The following ALG14 variants were observed in gnomAD, a reference collection of about 807,000 sequenced individuals.
ALG14 encodes the protein ALG14 UDP-N-acetylglucosaminyltransferase subunit, also known as UDP-N-acetylglucosamine transferase subunit ALG14.
A neutral mutation model predicts 22.8 loss-of-function variants in ALG14; 17 were observed. The observed-to-expected ratio is 0.75, with a 90% confidence interval of 0.51 to 1.12. The LOEUF (loss-of-function observed/expected upper bound fraction) is 1.12, where lower values mean the gene tolerates loss of function less well. ALG14 is among the 50% of genes most tolerant of loss of function. ALG14 has a pLI of 0.00. For missense variants in ALG14, 288 were observed against 271.8 expected (o/e 1.06, Z -0.42); for synonymous variants, 89 against 103.7 (o/e 0.86, Z 0.86).
intron 1 of ALG14, among the ~76,000 whole-genome samples, chr1:95,065,311 T>C (rs1675318745): frequency 6.6e-6 from 1 of 152,024 alleles, no homozygotes; most frequent in African/African-American, 2.4e-5. Context: ...AGAAGACTGG[T>C]GAGAAAGGGG....
intron 2 of ALG14, among the ~76,000 whole-genome samples, chr1:95,048,794 C>T (rs1328603804): frequency 6.8e-6 from 1 of 146,636 alleles, no homozygotes; most frequent in Non-Finnish European, 1.5e-5. Context: ...GTCAAATATC[C>T]TTTTTTTTTT....
intron 3 of ALG14, among the ~76,000 whole-genome samples, chr1:95,016,024 T>C (rs1011997136): frequency 3.9e-5 from 6 of 152,202 alleles, no homozygotes; most frequent in African/African-American, 1.4e-4. Context: ...GACTATGAAG[T>C]AGATATCATG....
chr1:95,004,643 G>A (rs1171605242), intron 3 of ALG14, among the ~76,000 whole-genome samples: 1 of 148,276 alleles, frequency 6.7e-6, no homozygotes, highest in Admixed American at 6.6e-5. Context: ...GGGACTACAA[G>A]CGCCAGCCAC....
chr1:95,016,879 T>C (rs1428688364), intron 3 of ALG14, among the ~76,000 whole-genome samples: 1 of 150,740 alleles, frequency 6.6e-6, no homozygotes, highest in Admixed American at 6.6e-5. Context: ...AGACAGGTAG[T>C]CACTATTTAG....
At position 95,043,238 on chromosome 1, in the gene ALG14, T is replaced by C. The variant is rs1163808335; in HGVS notation, c.289-15978A>G. Reference sequence around the variant, plus strand: ...CTTTCCTCAAATGTCTGATATTCTGTAGATGTTGATTCAACTACTGATTCT... The same window carrying C: ...CTTTCCTCAAATGTCTGATATTCTGCAGATGTTGATTCAACTACTGATTCT... On this transcript the variant is annotated intron_variant, in intron 2 of 3. Transcript: ENST00000370205. Among the ~76,000 whole-genome samples, 3 of 152,188 alleles carry C rather than the reference T, an allele frequency of 2.0e-5. No homozygotes were observed. The East Asian group carries it at 5.8e-4, about 29-fold the overall frequency.
chr1:94,989,645 G>GC (rs1672724608), intron 3 of ALG14, among the ~76,000 whole-genome samples: 1 of 152,206 alleles, frequency 6.6e-6, no homozygotes, highest in Admixed American at 6.5e-5. Flanking sequence ...TCACTGTCCA[G>GC]CAACAGTAGC....
chr1:95,057,366 A>G (rs1283702235), intron 2 of ALG14, among the ~76,000 whole-genome samples: 1 of 151,908 alleles, frequency 6.6e-6, no homozygotes, highest in South Asian at 2.1e-4. Context: ...GGACATGTAC[A>G]GGCCTTTTTC....
At chr1:95,046,545 T>G (rs1674562680) in intron 2 of ALG14, among the ~76,000 whole-genome samples, 1 of 152,182 alleles carries the variant, frequency 6.6e-6, no homozygotes, top group Non-Finnish European at 1.5e-5. Flanking sequence ...CCAAAAAGGT[T>G]GAGGACTGCT....
At chr1:95,031,645 T>C (rs547109992) in intron 2 of ALG14, among the ~76,000 whole-genome samples, 6 of 152,184 alleles carry the variant, frequency 3.9e-5, no homozygotes, top group African/African-American at 1.4e-4. Flanking sequence ...TTCTAAAATA[T>C]CCCCATCCTC....
intron 3 of ALG14, among the ~76,000 whole-genome samples, chr1:94,988,049 G>A (rs997048663): frequency 2.6e-5 from 4 of 152,216 alleles, no homozygotes; most frequent in African/African-American, 9.6e-5. Context: ...CTGGGGCCAT[G>A]GATGAAGGTA....
intron 3 of ALG14, among the ~76,000 whole-genome samples, chr1:94,986,597 C>T (rs949575325): frequency 1.8e-4 from 28 of 151,940 alleles, no homozygotes; most frequent in Non-Finnish European, 3.8e-4. Flanking sequence ...CTCAGCCTCC[C>T]GAGTAGCTGG....
intron 3 of ALG14, among the ~76,000 whole-genome samples, chr1:95,006,438 T>C (rs1390987278): frequency 3.9e-5 from 6 of 152,112 alleles, no homozygotes; most frequent in Non-Finnish European, 7.3e-5. Flanking sequence ...GAGATGGACA[T>C]ATATAAATTG....
In ALG14 at chr1:94,984,033, C is replaced by T. The variant is rs953688162; in HGVS notation, c.421-727G>A. 1.4e-4 allele frequency among the ~76,000 whole-genome samples: 22 copies of T among 151,970 alleles called. No homozygotes were observed. The East Asian group carries it at 1.5e-3, about 11-fold the overall frequency. On this transcript the variant is annotated intron_variant, in intron 3 of 3. Transcript: ENST00000370205. ...TGCTGGGATTACAGGCATGAGCCAC[C>T]GAGCCCAGCTGAATTTTTATAAGCC...
chr1:95,017,775 C>T (rs1396781154), intron 3 of ALG14, among the ~76,000 whole-genome samples: 1 of 152,180 alleles, frequency 6.6e-6, no homozygotes, highest in Non-Finnish European at 1.5e-5. Context: ...CTAATAGCCA[C>T]ATCGACATCA....
intron 2 of ALG14, among the ~76,000 whole-genome samples, chr1:95,045,301 A>G (rs984614096): frequency 2.0e-5 from 3 of 152,198 alleles, no homozygotes; most frequent in Non-Finnish European, 4.4e-5. Context: ...GAGGGCCAAA[A>G]CAAAACACAG....
chr1:95,005,261 T>C (rs1353610804), intron 3 of ALG14, among the ~76,000 whole-genome samples: 2 of 152,100 alleles, frequency 1.3e-5, no homozygotes, highest in East Asian at 3.9e-4. Flanking sequence ...GACACATCCA[T>C]GGAATGTTCA....
Position 95,072,847 on chromosome 1 carries a change from G to C in ALG14, c.52C>G (p.Leu18Val), listed in dbSNP as rs749145221. The change falls in exon 1 of 4, where the codon CTA becomes GTA. Residue 18 changes from leucine to valine, a missense_variant. Leu to Val is a conservative substitution (Grantham distance 32). Coordinates refer to ENST00000370205, the MANE Select transcript of ALG14 (RefSeq NM_144988.4). ...AAAAGAVAVF[L>V]ILRIWVVLRS... ...AGCACTACCCATATTCGCAGGATTAGGAAAACCGCCACAGCTCCTGCGGCC... is the reference window on the plus strand; with the variant it reads ...AGCACTACCCATATTCGCAGGATTACGAAAACCGCCACAGCTCCTGCGGCC... The C allele has an allele frequency of 5.0e-6, 8 of 1,614,168 alleles. No individual in the cohort carries two copies. Among genetic ancestry groups the C allele is most frequent in the South Asian group, 2.2e-5 (2 of 91,072 alleles).
intron 3 of ALG14, among the ~76,000 whole-genome samples, chr1:95,003,674 G>A (rs2100739141): frequency 6.6e-6 from 1 of 152,012 alleles, no homozygotes. Flanking sequence ...TGCCTAGGGT[G>A]GTCTTGAACT....
intron 2 of ALG14, among the ~76,000 whole-genome samples, chr1:95,063,562 G>A (rs532560242): frequency 1.1e-4 from 16 of 152,182 alleles, no homozygotes; most frequent in African/African-American, 3.1e-4. Flanking sequence ...CCCATTGTTC[G>A]TTTTTGTCAG....
Sources: allele counts gnomAD v4.1 joint callset (sites outside exome capture counted in the v4.1 genomes callset), GRCh38; gene constraint gnomAD v4.1.1; transcripts MANE v1.5; gene names NCBI Gene and HGNC (gene_info 2026-07-23, HGNC 2026-07-21).